The following MAD1L1 variants were observed in gnomAD, a reference collection of about 807,000 sequenced individuals.
The protein encoded by MAD1L1 is mitotic arrest deficient 1 like 1.
A neutral mutation model predicts 96.9 loss-of-function variants in MAD1L1; 95 were observed. The ratio of observed to expected loss-of-function variants is 0.98; its 90% CI spans 0.83 to 1.16. MAD1L1 has a LOEUF of 1.16. Ranked by LOEUF, MAD1L1 falls within the 50% of genes most tolerant of loss-of-function variation. The pLI is 0.00. For synonymous variants in MAD1L1, 473 were observed against 396.6 expected, an observed-to-expected ratio of 1.19 and a Z score of -2.29; for missense variants, 1,007 against 954.4, an observed-to-expected ratio of 1.06 and a Z score of -0.73.
intron 14 of MAD1L1, 57 bp downstream of exon 14, chr7:2,002,008 T>G: frequency 6.3e-7 from 1 of 1,588,590 alleles, no homozygotes; most frequent in Non-Finnish European, 8.6e-7. Flanking sequence ...CAGGCGTCCC[T>G]GCCCAGACCC....
At chr7:2,229,011 G>A (rs957894393) in intron 3 of MAD1L1, among the ~76,000 whole-genome samples, 1 of 152,158 alleles carries the variant, frequency 6.6e-6, no homozygotes, top group Admixed American at 6.5e-5. Flanking sequence ...GGGATTACAG[G>A]CCTGAGCCAC....
intron 12 of MAD1L1, among the ~76,000 whole-genome samples, chr7:2,021,380 G>GTCC (rs1405985091): frequency 6.6e-6 from 1 of 152,198 alleles, no homozygotes; most frequent in Non-Finnish European, 1.5e-5. Flanking sequence ...GCAGCAGAGA[G>GTCC]GGGAGGGAGG....
rs1361283280 is a variant in MAD1L1, at chr7:2,218,026, T to C, written c.614A>G (p.Asn205Ser). ...DLQHKKCQEA[N>S]QKIQELQASQ... ...GGCCTGGAGTTCCTGGATTTTCTGA[T>C]TGGCTTCCTGGCATTTTCTATTGAA... Residue 205 changes from asparagine (N) to serine (S), a missense_variant, in exon 7 of 19, where the codon AAT becomes AGT. Physicochemically the swap from Asn to Ser is conservative, Grantham distance 46. Transcript: ENST00000265854. 2.5e-6 allele frequency: 4 copies of C among 1,614,084 alleles called. 1 individual carries two copies. In the Admixed American group the frequency reaches 5.0e-5, roughly 20 times the overall value.
chr7:2,212,133 C>T (rs576439768), intron 10 of MAD1L1, among the ~76,000 whole-genome samples: 6 of 150,632 alleles, frequency 4.0e-5, no homozygotes, highest in Non-Finnish European at 9.0e-5. Context: ...CAGGGGCCAA[C>T]TGAGCGGCTG....
At chr7:1,885,570 G>A (rs138331006) in intron 18 of MAD1L1, among the ~76,000 whole-genome samples, 47 of 152,250 alleles carry the variant, frequency 3.1e-4, no homozygotes, top group African/African-American at 1.0e-3. Flanking sequence ...GTGGGCCGCT[G>A]TAGCTCCTGC....
intron 18 of MAD1L1, among the ~76,000 whole-genome samples, chr7:1,887,093 G>C (rs1447445703): frequency 1.3e-5 from 2 of 152,264 alleles, no homozygotes; most frequent in East Asian, 1.9e-4. Flanking sequence ...CACTCACTCA[G>C]GCTAGGGGGG....
intron 18 of MAD1L1, among the ~76,000 whole-genome samples, chr7:1,871,792 C>G (rs1270225503): frequency 6.6e-6 from 1 of 152,234 alleles, no homozygotes; most frequent in Non-Finnish European, 1.5e-5. Context: ...TGAACTCCTG[C>G]ACCTGTGATG....
intron 10 of MAD1L1, among the ~76,000 whole-genome samples, chr7:2,206,780 T>C (rs552762380): frequency 6.6e-4 from 100 of 151,888 alleles, no homozygotes; most frequent in South Asian, 3.5e-3. Context: ...TACATTCCCA[T>C]AGAAATTTTA....
At chr7:2,220,901 G>A (rs749091329) in intron 5 of MAD1L1, 4 of 1,611,582 alleles carry the variant, frequency 2.5e-6, no homozygotes, top group South Asian at 2.2e-5. Flanking sequence ...CAGGGGCAAG[G>A]CCAGATGCAG....
intron 11 of MAD1L1, among the ~76,000 whole-genome samples, chr7:2,128,689 TC>T (rs1211808384): frequency 1.3e-5 from 2 of 152,112 alleles, no homozygotes; most frequent in East Asian, 3.9e-4. Flanking sequence ...ATTGCAGGGA[TC>T]CTGGCGGGGA....
intron 11 of MAD1L1, among the ~76,000 whole-genome samples, chr7:2,126,049 G>A (rs755482731): frequency 2.0e-5 from 3 of 152,156 alleles, no homozygotes; most frequent in Admixed American, 6.5e-5. Context: ...GCTGCAGCCC[G>A]GGGCGCTGGA....
chr7:2,071,658 T>C (rs948463920), intron 11 of MAD1L1, among the ~76,000 whole-genome samples: 1 of 151,870 alleles, frequency 6.6e-6, no homozygotes, highest in Non-Finnish European at 1.5e-5. Context: ...GAAGGCTGAG[T>C]GGTTCACCAA....
intron 18 of MAD1L1, among the ~76,000 whole-genome samples, chr7:1,831,024 G>A (rs558461821): frequency 5.8e-4 from 89 of 152,406 alleles, no homozygotes; most frequent in Non-Finnish European, 9.7e-4. Flanking sequence ...AGACGCAGTA[G>A]ATTAAAAGTA....
At chr7:2,213,963 C>G (rs1793122262) in intron 9 of MAD1L1, among the ~76,000 whole-genome samples, 2 of 152,276 alleles carry the variant, frequency 1.3e-5, no homozygotes, top group South Asian at 4.1e-4. Context: ...AAGCACCATG[C>G]TGTTATCAAC....
intron 11 of MAD1L1, among the ~76,000 whole-genome samples, chr7:2,078,030 T>A (rs1227472048): frequency 6.6e-6 from 1 of 152,132 alleles, no homozygotes; most frequent in Non-Finnish European, 1.5e-5. Flanking sequence ...GGCATCCACA[T>A]TCGCTCCTTG....
At chr7:2,093,847 G>T (rs1261728502) in intron 11 of MAD1L1, among the ~76,000 whole-genome samples, 1 of 152,178 alleles carries the variant, frequency 6.6e-6, no homozygotes, top group African/African-American at 2.4e-5. Flanking sequence ...GTGGGGCACG[G>T]GGCAACAGAC....
At chr7:1,830,608 T>G (rs1033446475) in intron 18 of MAD1L1, among the ~76,000 whole-genome samples, 5 of 151,386 alleles carry the variant, frequency 3.3e-5, no homozygotes, top group African/African-American at 1.2e-4. Flanking sequence ...ATAAAATATA[T>G]TATAAGCAGA....
chr7:2,190,737 G>A (rs548676828), intron 10 of MAD1L1, among the ~76,000 whole-genome samples: 1 of 152,352 alleles, frequency 6.6e-6, no homozygotes, highest in African/African-American at 2.4e-5. Context: ...CAACAGGAAT[G>A]AAGGCCACAA....
rs368861327 is a variant in MAD1L1, at chr7:1,888,187, C to T, written c.1998+10013G>A. Among the ~76,000 whole-genome samples the T allele has an allele frequency of 2.6e-3, 378 of 147,364 alleles. 1 individual carries two copies. The Middle Eastern group carries it at 0.05, about 20-fold the overall frequency. ...GTGTGCAGCTGCCTGTGCGTGTGTG[C>T]ATGCATGTATGTGGCTGCCTGTGCA... On this transcript the variant is annotated intron_variant, in intron 18 of 18. Transcript: ENST00000265854.
Sources: allele counts gnomAD v4.1 joint callset (sites outside exome capture counted in the v4.1 genomes callset), GRCh38; gene constraint gnomAD v4.1.1; transcripts MANE v1.5; gene names NCBI Gene and HGNC (gene_info 2026-07-23, HGNC 2026-07-21).